Variants in DOP1B observed in about 807,000 individuals in gnomAD.
The protein encoded by DOP1B is DOP1 leucine zipper like protein B, also known as protein DOP1B.
A neutral mutation model predicts 233.5 loss-of-function variants in DOP1B; 174 were observed. That is an observed-to-expected ratio of 0.75 (90% CI 0.66 to 0.85). The LOEUF (loss-of-function observed/expected upper bound fraction) is 0.85. DOP1B is among the 40% of genes least tolerant of loss of function. The pLI is 0.00. For missense variants in DOP1B, 2,652 were observed against 2,846.6 expected (o/e 0.93, Z 1.56); for synonymous variants, 1,190 against 1,185.6 (o/e 1.00, Z -0.08).
intron 1 of DOP1B, among the ~76,000 whole-genome samples, chr21:36,161,425 C>G (rs1280081441): frequency 6.6e-6 from 1 of 152,238 alleles, no homozygotes; most frequent in Non-Finnish European, 1.5e-5. Context: ...GCATGGGCCA[C>G]TGCACCTGGC....
intron 27 of DOP1B, among the ~76,000 whole-genome samples, 162 bp from the exon 28 acceptor site, chr21:36,276,859 A>G (rs1375340786): frequency 6.6e-6 from 1 of 150,964 alleles, no homozygotes. Context: ...AAAAAAAAAA[A>G]GAAAAAGCTG....
intron 26 of DOP1B, 89 bp downstream of exon 26, chr21:36,263,903 G>A: frequency 8.0e-7 from 1 of 1,249,604 alleles, no homozygotes; most frequent in Non-Finnish European, 1.2e-6. Context: ...GTAGACAAGA[G>A]ACATTGGACA....
chr21:36,177,962 C>G (rs1354205898), intron 2 of DOP1B, among the ~76,000 whole-genome samples: 1 of 152,138 alleles, frequency 6.6e-6, no homozygotes, highest in Non-Finnish European at 1.5e-5. Context: ...GGGTTTGTGA[C>G]CCACCTACAC....
At chr21:36,189,609 C>G (rs1455776917) in intron 2 of DOP1B, among the ~76,000 whole-genome samples, 5 of 152,106 alleles carry the variant, frequency 3.3e-5, no homozygotes, top group Non-Finnish European at 5.9e-5. Flanking sequence ...ACTCTGGAGG[C>G]TGAGGCAGCA....
At chr21:36,274,003 G>A (rs2067321524) in intron 27 of DOP1B, among the ~76,000 whole-genome samples, 1 of 152,078 alleles carries the variant, frequency 6.6e-6, no homozygotes, top group Non-Finnish European at 1.5e-5. Context: ...GCGTGAACCA[G>A]GGAGGTGGAG....
Position 36,293,599 on chromosome 21 carries a change from A to G in DOP1B, c.*28A>G. The G allele has an allele frequency of 6.2e-7, 1 of 1,609,190 alleles. No individual in the cohort carries two copies. Among genetic ancestry groups the G allele is most frequent in the Non-Finnish European group, 8.5e-7 (1 of 1,176,360 alleles). Reference sequence around the variant, plus strand: ...ATGTGAGAGAGAATATGTTTAATCCATGTATTGGTACTTTACTGAAAACCA... The same window carrying G: ...ATGTGAGAGAGAATATGTTTAATCCGTGTATTGGTACTTTACTGAAAACCA... On this transcript the variant is annotated 3_prime_UTR_variant, in exon 37 of 37. Transcript: ENST00000691173.
intron 36 of DOP1B, among the ~76,000 whole-genome samples, chr21:36,292,612 T>G (rs1176762597): frequency 4.7e-5 from 2 of 42,832 alleles, no homozygotes; most frequent in South Asian, 5.5e-4. Context: ...TGTTTTTGGG[T>G]TTTTTTTTTT....
At chr21:36,161,768 G>C (rs2065871551) in intron 1 of DOP1B, among the ~76,000 whole-genome samples, 1 of 152,156 alleles carries the variant, frequency 6.6e-6, no homozygotes, top group Admixed American at 6.6e-5. Flanking sequence ...ATTACTCCCT[G>C]TTTTCACTGC....
chr21:36,157,842 A>G (rs969157965), intron 1 of DOP1B, among the ~76,000 whole-genome samples: 1 of 152,206 alleles, frequency 6.6e-6, no homozygotes, highest in Non-Finnish European at 1.5e-5. Context: ...TGGTAGGGTC[A>G]CTGTCCTCAT....
At chr21:36,183,866 C>CTTT (rs869202145) in intron 2 of DOP1B, among the ~76,000 whole-genome samples, 56 of 137,430 alleles carry the variant, frequency 4.1e-4, no homozygotes, top group Admixed American at 2.3e-3. Flanking sequence ...TACATGGTTT[C>CTTT]TTTTTTTTTT....
In DOP1B at chr21:36,278,324, G is replaced by T. The variant is rs370211956; in HGVS notation, c.5938G>T (p.Ala1980Ser). Residue 1980 changes from alanine to serine, a missense_variant, in exon 30 of 37, where the codon GCT becomes TCT. Physicochemically the swap from Ala to Ser is moderately conservative, Grantham distance 99. Transcript: ENST00000691173. ...GGTCCTGGAGCTGTTTCTCGACCCC[G>T]CTTTCTTTCAGATGGATACTTCCTG... Reference protein sequence around the residue: ...KEVLELFLDPAFFQMDTSCVH... With the variant: ...KEVLELFLDPSFFQMDTSCVH... 1.9e-6 allele frequency: 3 copies of T among 1,613,648 alleles called. No homozygotes were observed. The highest frequency in any genetic ancestry group is 2.5e-6 in the Non-Finnish European group (3 of 1,179,980).
chr21:36,271,038 A>G (rs2067282500), intron 27 of DOP1B, among the ~76,000 whole-genome samples: 1 of 151,854 alleles, frequency 6.6e-6, no homozygotes, highest in African/African-American at 2.4e-5. Flanking sequence ...ATATATCAAA[A>G]CATCATGTTA....
chr21:36,240,009 G>C, intron 18 of DOP1B, 54 bp downstream of exon 18: 1 of 1,531,610 alleles, frequency 6.5e-7, no homozygotes. Context: ...GGGGGGACTG[G>C]ACCTCAGCAG....
intron 1 of DOP1B, among the ~76,000 whole-genome samples, chr21:36,159,000 C>T (rs1000924445): frequency 4.6e-5 from 7 of 151,330 alleles, no homozygotes; most frequent in African/African-American, 7.3e-5. Context: ...GGCATTGTGG[C>T]GGGCACCTGT....
Position 36,212,045 on chromosome 21 carries a change from C to G in DOP1B, c.852C>G (p.Thr284=). The G allele has an allele frequency of 6.2e-7, 1 of 1,613,926 alleles. No individual in the cohort carries two copies. The highest frequency in any genetic ancestry group is 8.5e-7 in the Non-Finnish European group (1 of 1,179,978). The change falls in exon 7 of 37, where the codon ACC becomes ACG. Residue 284 remains threonine (T), a synonymous_variant. Transcript: ENST00000691173. ...IVRILSAATQ[T]LLRRDMSLNR... is the part of the protein sequence containing the mutation. Reference sequence around the variant, plus strand: ...GCATTCTCTCAGCCGCCACCCAGACCCTACTGAGAAGGGACATGTCCCTGA... The same window carrying G: ...GCATTCTCTCAGCCGCCACCCAGACGCTACTGAGAAGGGACATGTCCCTGA...
At chr21:36,223,007 A>G (rs1416012393) in intron 10 of DOP1B, among the ~76,000 whole-genome samples, 1 of 152,206 alleles carries the variant, frequency 6.6e-6, no homozygotes, top group African/African-American at 2.4e-5. Context: ...CACCGCACCC[A>G]GCTCTGAAAT....
At chr21:36,162,159 A>G (rs1345008052) in intron 1 of DOP1B, among the ~76,000 whole-genome samples, 3 of 152,178 alleles carry the variant, frequency 2.0e-5, no homozygotes, top group African/African-American at 7.2e-5. Flanking sequence ...GTATCCTCAC[A>G]GTGGAAAGAA....
At chr21:36,249,133 TAA>T (rs2067004393) in intron 21 of DOP1B, among the ~76,000 whole-genome samples, 1 of 148,802 alleles carries the variant, frequency 6.7e-6, no homozygotes, top group African/African-American at 2.5e-5. Flanking sequence ...TTAAAATAAA[TAA>T]AGTCTCTAGA....
chr21:36,159,276 A>G (rs1319615966), intron 1 of DOP1B, among the ~76,000 whole-genome samples: 1 of 151,516 alleles, frequency 6.6e-6, no homozygotes, highest in Non-Finnish European at 1.5e-5. Context: ...ACATGGAGAA[A>G]CCCCATCTCT....
Sources: allele counts gnomAD v4.1 joint callset (sites outside exome capture counted in the v4.1 genomes callset), GRCh38; gene constraint gnomAD v4.1.1; transcripts MANE v1.5; gene names NCBI Gene and HGNC (gene_info 2026-07-23, HGNC 2026-07-21).